The following PRH1 variants were observed in gnomAD, a reference collection of about 807,000 sequenced individuals.
PRH1 encodes the protein proline rich protein HaeIII subfamily 1.
Under a neutral mutation model 7.9 loss-of-function variants are expected in PRH1, and 7 were observed. The observed-to-expected ratio is 0.89, with a 90% confidence interval of 0.50 to 1.67. The LOEUF (loss-of-function observed/expected upper bound fraction) is 1.67, where lower values mean the gene tolerates loss of function less well. Ranked by LOEUF, PRH1 falls within the 40% of genes most tolerant of loss-of-function variation. PRH1 has a pLI of 0.00. For missense variants in PRH1, 109 were observed against 223.6 expected, an observed-to-expected ratio of 0.49 and a Z score of 3.27; for synonymous variants, 45 against 80.8, an observed-to-expected ratio of 0.56 and a Z score of 2.38.
intron 1 of PRH1, among the ~76,000 whole-genome samples, chr12:10,979,885 A>T (rs544183808): frequency 6.6e-6 from 1 of 152,326 alleles, no homozygotes; most frequent in Admixed American, 6.5e-5. Context: ...TGAAGTCTTC[A>T]TTAACAAAAG....
At chr12:10,887,171 C>A (rs951331062), upstream of PRH1, among the ~76,000 whole-genome samples, 1 of 152,160 alleles carries the variant, frequency 6.6e-6, no homozygotes, top group Non-Finnish European at 1.5e-5. Context: ...GAATCTTCTT[C>A]GACTTCACCA....
chr12:11,025,801 CTCTG>C (rs1261240463), intron 1 of PRH1, among the ~76,000 whole-genome samples: 12 of 139,880 alleles, frequency 8.6e-5, no homozygotes, highest in Admixed American at 7.1e-5. Flanking sequence ...AACTGGTTAA[CTCTG>C]TCTATTGGAT....
At chr12:11,145,670 A>G (rs7980237) in intron 1 of PRH1, among the ~76,000 whole-genome samples, 32,199 of 152,230 alleles carry the variant, frequency 0.21, 4,000 homozygotes, top group Non-Finnish European at 0.27. Flanking sequence ...TTACATACTA[A>G]CAGAGTATAC....
In PRH1 at chr12:10,884,149, C is replaced by T. The variant is rs764980781; in HGVS notation, c.64+5G>A. 2 of 1,614,178 alleles carry T rather than the reference C, an allele frequency of 1.2e-6. No homozygotes were observed. Among genetic ancestry groups the T allele is most frequent in the Non-Finnish European group, 1.7e-6 (2 of 1,180,020 alleles). On this transcript the variant is annotated splice_donor_5th_base_variant and intron_variant, in intron 1 of 3. Coordinates refer to ENST00000543626, the MANE Select transcript of PRH1 (RefSeq NM_001393989.1). ...GTCACAATATCTTCCCCCAATTCATCTTACCTTCATTTAAATCCTGAGCTG... is the reference window on the plus strand; with the variant it reads ...GTCACAATATCTTCCCCCAATTCATTTTACCTTCATTTAAATCCTGAGCTG...
At chr12:11,086,470 T>A (rs73064944) in intron 1 of PRH1, among the ~76,000 whole-genome samples, 63,882 of 125,578 alleles carry the variant, frequency 0.51, 13,691 homozygotes, top group Non-Finnish European at 0.6. Context: ...TGGATTTTAT[T>A]TCTTTTCAGT....
chr12:11,044,917 A>G (rs907092996), intron 1 of PRH1, among the ~76,000 whole-genome samples: 9 of 152,130 alleles, frequency 5.9e-5, no homozygotes, highest in Non-Finnish European at 1.5e-5. Flanking sequence ...AAAGACAAAA[A>G]TTAGAGCTAC....
At chr12:11,039,031 G>C (rs1942581906) in intron 1 of PRH1, among the ~76,000 whole-genome samples, 1 of 152,190 alleles carries the variant, frequency 6.6e-6, no homozygotes, top group African/African-American at 2.4e-5. Flanking sequence ...ACAGCATACT[G>C]TAAGGGATAT....
At chr12:11,034,867 A>C (rs1383837566) in intron 1 of PRH1, 1 of 153,002 alleles carries the variant, frequency 6.5e-6, no homozygotes, top group African/African-American at 2.4e-5. Context: ...AGCCTGGATA[A>C]CAGAGTGAGA....
At chr12:11,133,619 A>G (rs779532901) in intron 1 of PRH1, 2 of 1,614,280 alleles carry the variant, frequency 1.2e-6, no homozygotes, top group Admixed American at 1.7e-5. Context: ...ATGGAGCTGC[A>G]TCTTCTTGAG....
intron 2 of PRH1, among the ~76,000 whole-genome samples, chr12:10,913,544 C>T (rs1366962673): frequency 6.6e-6 from 1 of 152,064 alleles, no homozygotes; most frequent in Admixed American, 6.5e-5. Context: ...CTAAATTTTA[C>T]TTTTAACTTC....
chr12:10,938,585 T>C (rs1184104561), intron 2 of PRH1: 3 of 1,613,876 alleles, frequency 1.9e-6, no homozygotes, highest in Non-Finnish European at 2.5e-6. Context: ...CTTCTTGCGA[T>C]GTTTCCACAT....
rs1283467072 is a variant in PRH1, at chr12:11,097,494, C to G, written n.124-50306G>C. Among the ~76,000 whole-genome samples, 11 of 114,264 alleles carry G rather than the reference C, an allele frequency of 9.6e-5. 4 individuals carry two copies. The highest frequency in any genetic ancestry group is 3.2e-4 in the African/African-American group (11 of 34,206). 75.0% of individuals were successfully genotyped at this position (114,264 alleles called of 152,430 possible). A position where few individuals can be genotyped will look rare whatever the true frequency, so the allele number is the denominator to read the frequency against. On this transcript the variant is annotated intron_variant and non_coding_transcript_variant, in intron 1 of 4. Coordinates refer to the PRH1 transcript ENST00000541977. ...TACACGAAAATTAAATTGTTTCTAT[C>G]ATGAGCATAGTGAAAGGAGGATTCA...
chr12:10,919,254 A>G (rs1950013623), intron 2 of PRH1, among the ~76,000 whole-genome samples: 1 of 152,168 alleles, frequency 6.6e-6, no homozygotes, highest in African/African-American at 2.4e-5. Flanking sequence ...CTCACACAAT[A>G]TATTTGTAAA....
chr12:11,116,460 G>C (rs562377894), downstream of PRH1, among the ~76,000 whole-genome samples: 137 of 151,916 alleles, frequency 9.0e-4, no homozygotes, highest in African/African-American at 3.2e-3. Context: ...CAAAGCCTGG[G>C]AGCAGATGGC....
At chr12:10,929,798 G>A (rs1240144204) in intron 2 of PRH1, among the ~76,000 whole-genome samples, 1 of 152,188 alleles carries the variant, frequency 6.6e-6, no homozygotes, top group Non-Finnish European at 1.5e-5. Context: ...TAGAGTTAGA[G>A]AATCACCAGA....
At chr12:10,945,801 T>A (rs1167448631) in intron 2 of PRH1, among the ~76,000 whole-genome samples, 5 of 152,140 alleles carry the variant, frequency 3.3e-5, no homozygotes, top group African/African-American at 1.2e-4. Context: ...AAGACAGCCG[T>A]CCCCAAAGCG....
intron 1 of PRH1, among the ~76,000 whole-genome samples, chr12:11,125,428 TCTC>T: frequency 6.6e-6 from 1 of 152,296 alleles, no homozygotes; most frequent in Non-Finnish European, 1.5e-5. Flanking sequence ...AGTTAAATTC[TCTC>T]TACTGCTTAT....
chr12:11,047,475 A>C (rs1022657804), upstream of PRH1, among the ~76,000 whole-genome samples: 2 of 152,044 alleles, frequency 1.3e-5, no homozygotes, highest in African/African-American at 4.8e-5. Context: ...GAGGTGGCTA[A>C]GCAAAATAAA....
chr12:11,013,403 A>T (rs149222911), intron 1 of PRH1, among the ~76,000 whole-genome samples: 83 of 152,310 alleles, frequency 5.4e-4, no homozygotes, highest in African/African-American at 1.9e-3. Context: ...CCACATGCAT[A>T]AAGATAAATT....
Sources: allele counts gnomAD v4.1 joint callset (sites outside exome capture counted in the v4.1 genomes callset), GRCh38; gene constraint gnomAD v4.1.1; transcripts MANE v1.5; gene names NCBI Gene and HGNC (gene_info 2026-07-23, HGNC 2026-07-21).